The following CASP5 variants were observed in gnomAD, a reference collection of about 807,000 sequenced individuals.
CASP5 encodes the protein caspase 5, also known as caspase-5.
In CASP5, 42 loss-of-function variants were observed where a neutral mutation model predicts 45.2. The observed-to-expected ratio is 0.93, with a 90% CI of 0.73 to 1.20. The LOEUF (loss-of-function observed/expected upper bound fraction) is 1.20, where lower values mean the gene tolerates loss of function less well. Among genes scored for constraint, CASP5 ranks in the 50% most tolerant of loss-of-function variants. The pLI, the probability that CASP5 is intolerant of heterozygous loss-of-function variation, is 0.00. For synonymous variants in CASP5, 209 were observed against 186.2 expected, an observed-to-expected ratio of 1.12 and a Z score of -1.00; for missense variants, 512 against 532.2, an observed-to-expected ratio of 0.96 and a Z score of 0.37.
chr11:105,022,723 A>G (rs566229083), intron 1 of CASP5, among the ~76,000 whole-genome samples: 21 of 152,304 alleles, frequency 1.4e-4, no homozygotes, highest in African/African-American at 2.4e-5. Flanking sequence ...CACGTTGAGA[A>G]CACAGAGGCT....
chr11:105,021,429 C>G (rs905948055), intron 1 of CASP5, among the ~76,000 whole-genome samples: 29 of 148,266 alleles, frequency 2.0e-4, no homozygotes, highest in Middle Eastern at 6.9e-3. Context: ...GGGCTAATAT[C>G]CAGAATCTAC....
At chr11:104,995,414 CAA>C (rs747361784) in intron 9 of CASP5, among the ~76,000 whole-genome samples, 139 of 151,968 alleles carry the variant, frequency 9.1e-4, no homozygotes, top group Non-Finnish European at 1.3e-3. Flanking sequence ...GAGAGAGAGA[CAA>C]AGAGAGGGAG....
chr11:105,005,247 A>C (rs1861944336), intron 3 of CASP5, among the ~76,000 whole-genome samples: 1 of 152,042 alleles, frequency 6.6e-6, no homozygotes, highest in African/African-American at 2.4e-5. Context: ...CAAGAAAGGG[A>C]GTAGTGGAGT....
chr11:105,021,280 A>G (rs1191600603), intron 1 of CASP5, among the ~76,000 whole-genome samples: 1 of 146,764 alleles, frequency 6.8e-6, no homozygotes, highest in Admixed American at 7.2e-5. Context: ...CACCAAAAGC[A>G]ATGGCAACAG....
chr11:105,000,593 C>T, intron 5 of CASP5, 98 bp from the exon 6 acceptor site: 1 of 1,113,612 alleles, frequency 9.0e-7, no homozygotes, highest in Non-Finnish European at 1.3e-6. Flanking sequence ...TATGTAACAT[C>T]CGGGTCGTGG....
intron 2 of CASP5, among the ~76,000 whole-genome samples, chr11:105,008,415 C>T (rs1862111769): frequency 6.6e-6 from 1 of 151,956 alleles, no homozygotes; most frequent in African/African-American, 2.4e-5. Flanking sequence ...CTTCCACAGT[C>T]TTGTGAGAAA....
intron 1 of CASP5, among the ~76,000 whole-genome samples, chr11:105,011,736 A>T (rs149466303): frequency 5.5e-4 from 84 of 151,906 alleles, no homozygotes; most frequent in African/African-American, 1.9e-3. Context: ...AAATGTAACC[A>T]AAAAGTTAAA....
intron 3 of CASP5, among the ~76,000 whole-genome samples, chr11:105,005,356 ATGTGTGTGTGTGTGTG>A (rs5794366): frequency 2.9e-5 from 4 of 139,248 alleles, no homozygotes; most frequent in Admixed American, 7.1e-5. Flanking sequence ...GTATATATAT[ATGTGTGTGTGTGTGTG>A]TGTGTGTGTG....
At chr11:105,010,906 A>T (rs898507896) in intron 1 of CASP5, among the ~76,000 whole-genome samples, 3 of 151,938 alleles carry the variant, frequency 2.0e-5, no homozygotes, top group African/African-American at 7.2e-5. Flanking sequence ...AAAATGAAGT[A>T]TACAGTAACT....
intron 7 of CASP5, among the ~76,000 whole-genome samples, chr11:104,998,289 T>C (rs897418830): frequency 3.3e-5 from 5 of 152,164 alleles, no homozygotes; most frequent in South Asian, 4.1e-4. Context: ...GACTTGAAAA[T>C]TTACAACTTG....
At position 105,003,525 on chromosome 11, in the gene CASP5, A is replaced by G. The variant is rs112830596; in HGVS notation, c.434-142T>C. 43 of 521,832 alleles carry G rather than the reference A, an allele frequency of 8.2e-5. No homozygotes were observed. The African/African-American group carries it at 8.3e-4, about 10-fold the overall frequency. The allele number at this position is 521,832 out of a possible 1,614,324, so 32.3% of individuals were successfully genotyped here. A position where few individuals can be genotyped will look rare whatever the true frequency, so the allele number is the denominator to read the frequency against. ...GGGGTTATAGCTGTACCTAATTTCCAGCTTAAGGAAATGTGTTGTGAGAAT... is the reference window on the plus strand; with the variant it reads ...GGGGTTATAGCTGTACCTAATTTCCGGCTTAAGGAAATGTGTTGTGAGAAT... On this transcript the variant is annotated intron_variant, in intron 3 of 9. Transcript: ENST00000260315.
chr11:105,003,489 CTT>C (rs1331001861), intron 3 of CASP5, 106 bp from the exon 4 acceptor site: 6 of 646,532 alleles, frequency 9.3e-6, no homozygotes, highest in Non-Finnish European at 2.7e-6. Context: ...GAAAAAGACT[CTT>C]TATATTTAGG....
chr11:105,001,908 A>ACACACACG (rs976012961), intron 5 of CASP5, 120 bp downstream of exon 5: 1 of 865,666 alleles, frequency 1.2e-6, no homozygotes, highest in Non-Finnish European at 1.8e-6. Flanking sequence ...ACACACACAC[A>ACACACACG]CACACACGCA....
rs1435352605 is a variant in CASP5, at chr11:104,999,001, T to C, written c.980A>G (p.Asp327Gly). 1 of 1,608,604 alleles carries C rather than the reference T, an allele frequency of 6.2e-7. No homozygotes were observed. Among genetic ancestry groups the C allele is most frequent in the South Asian group, 1.1e-5 (1 of 89,554 alleles). The change falls in exon 7 of 10, where the codon GAC becomes GGC. Residue 327 changes from aspartate to glycine, a missense_variant. Asp to Gly is a moderately conservative substitution (Grantham distance 94, BLOSUM62 -1). Transcript: ENST00000260315. ...GATGAGTGCCAAGGATGCTGGAGAG[T>C]CTCTGACCCAGAGTTCCCCATGTTT... ...GEKHGELWVR[D>G]SPASLALISS...
intron 3 of CASP5, among the ~76,000 whole-genome samples, chr11:105,005,356 A>ATGTGTGTGTGTGTGTG (rs5794366): frequency 4.3e-5 from 6 of 139,248 alleles, no homozygotes; most frequent in South Asian, 2.3e-4. Flanking sequence ...GTATATATAT[A>ATGTGTGTGTGTGTGTG]TGTGTGTGTG....
At chr11:105,020,425 A>G (rs1031210212) in intron 1 of CASP5, among the ~76,000 whole-genome samples, 2 of 150,120 alleles carry the variant, frequency 1.3e-5, no homozygotes, top group Non-Finnish European at 3.0e-5. Flanking sequence ...CTCAGCCCAA[A>G]ATCTCCTTAA....
chr11:105,011,947 T>G (rs1429052795), intron 1 of CASP5, among the ~76,000 whole-genome samples: 1 of 151,706 alleles, frequency 6.6e-6, no homozygotes, highest in Non-Finnish European at 1.5e-5. Context: ...AACCTTAAAA[T>G]TCATATGGAA....
At chr11:105,014,830 A>T (rs1313943122) in intron 1 of CASP5, among the ~76,000 whole-genome samples, 1 of 152,186 alleles carries the variant, frequency 6.6e-6, no homozygotes, top group Non-Finnish European at 1.5e-5. Flanking sequence ...ACATTGTAAG[A>T]ATTTAAATAA....
chr11:104,999,642 A>G (rs1234460778), intron 6 of CASP5, among the ~76,000 whole-genome samples: 2 of 152,250 alleles, frequency 1.3e-5, no homozygotes, highest in African/African-American at 4.8e-5. Context: ...CTCTAGTGTC[A>G]TTCAACAATG....
Sources: gnomAD v4.1 joint callset for allele counts (sites outside exome capture counted in the v4.1 genomes callset) on GRCh38, gnomAD v4.1.1 for gene constraint, MANE v1.5 for transcripts, NCBI Gene and HGNC (gene_info 2026-07-23, HGNC 2026-07-21) for gene names.